The following CHMP2B variants were observed in gnomAD, a reference collection of about 807,000 sequenced individuals.
The protein encoded by CHMP2B is VPS2 homolog B.
Under a neutral mutation model 29.8 loss-of-function variants are expected in CHMP2B, and 22 were observed. The observed-to-expected ratio is 0.74, with a 90% confidence interval of 0.53 to 1.05. The LOEUF (loss-of-function observed/expected upper bound fraction) is 1.05, where lower values mean the gene tolerates loss of function less well. Ranked by LOEUF, CHMP2B falls within the 50% of genes least tolerant of loss-of-function variation. The pLI is 0.00. For synonymous variants in CHMP2B, 78 were observed against 75.8 expected (o/e 1.03, Z -0.15); for missense variants, 261 against 252.2 (o/e 1.03, Z -0.24).
In CHMP2B at chr3:87,246,036, A is replaced by T. The variant is rs181357990; in HGVS notation, c.321+128A>T. The T allele has an allele frequency of 8.5e-6, 6 of 703,554 alleles. No individual in the cohort carries two copies. In the East Asian group the frequency reaches 1.1e-4, roughly 13 times the overall value. 43.6% of individuals were successfully genotyped at this position (703,554 alleles called of 1,614,324 possible). On this transcript the variant is annotated intron_variant, in intron 3 of 5. Coordinates refer to ENST00000263780, the MANE Select transcript of CHMP2B (RefSeq NM_014043.4). ...TACAAAATGTGTGTAATTTTTAGTA[A>T]AATGAGTTATAATACTAGATAATCC... is the stretch of plus-strand genomic sequence containing the variant.
At chr3:87,247,907 T>C (rs577869258) in intron 3 of CHMP2B, among the ~76,000 whole-genome samples, 1 of 152,326 alleles carries the variant, frequency 6.6e-6, no homozygotes, top group South Asian at 2.1e-4. Context: ...AAATTTTATA[T>C]GTAACCAATA....
chr3:87,234,707 A>G (rs961742635), intron 1 of CHMP2B, among the ~76,000 whole-genome samples: 1 of 152,208 alleles, frequency 6.6e-6, no homozygotes, highest in African/African-American at 2.4e-5. Context: ...ATGAAGTCCT[A>G]GAGAATGAAA....
At chr3:87,230,998 A>T (rs965100681) in intron 1 of CHMP2B, among the ~76,000 whole-genome samples, 14 of 149,856 alleles carry the variant, frequency 9.3e-5, no homozygotes, top group Non-Finnish European at 1.5e-4. Flanking sequence ...TTCTGTATTT[A>T]TTTTTTTTTC....
intron 3 of CHMP2B, among the ~76,000 whole-genome samples, chr3:87,249,284 A>G (rs1274908789): frequency 6.6e-6 from 1 of 152,212 alleles, no homozygotes; most frequent in African/African-American, 2.4e-5. Context: ...ATGTAAGCAC[A>G]TGAAACATGA....
chr3:87,234,395 C>G (rs888537727), intron 1 of CHMP2B, among the ~76,000 whole-genome samples: 1 of 152,114 alleles, frequency 6.6e-6, no homozygotes, highest in South Asian at 2.1e-4. Context: ...AGACTTAAGT[C>G]TATGATCTCA....
chr3:87,234,731 C>A (rs1705967239), intron 1 of CHMP2B, among the ~76,000 whole-genome samples: 1 of 152,110 alleles, frequency 6.6e-6, no homozygotes, highest in Non-Finnish European at 1.5e-5. Context: ...TGAGTGTATA[C>A]CTTTATCTGC....
rs375906390 is a variant in CHMP2B, at chr3:87,249,987, A to G, written c.424+10A>G. 1.2e-4 allele frequency: 171 copies of G among 1,422,294 alleles called. No homozygotes were observed. The highest frequency in any genetic ancestry group is 1.5e-4 in the Non-Finnish European group (150 of 1,011,732). The allele number at this position is 1,422,294 out of a possible 1,614,324, so 88.1% of individuals were successfully genotyped here. A position where few individuals can be genotyped will look rare whatever the true frequency, so the allele number is the denominator to read the frequency against. ...ATGACTGAAGAAATGAGTAAGTTTA[A>G]TAAATTATAATGAAATTTATAGTTT... On this transcript the variant is annotated intron_variant, in intron 4 of 5. Transcript: ENST00000263780.
intron 3 of CHMP2B, among the ~76,000 whole-genome samples, chr3:87,247,027 G>GA (rs1314773582): frequency 4.6e-5 from 7 of 151,762 alleles, no homozygotes; most frequent in South Asian, 4.2e-4. Flanking sequence ...AAGTGCAAAA[G>GA]AAAAAAAATA....
At position 87,234,638 on chromosome 3, in the gene CHMP2B, C is replaced by T. The variant is rs546567363; in HGVS notation, c.35-6061C>T. On this transcript the variant is annotated intron_variant, in intron 1 of 5. Coordinates refer to ENST00000263780, the MANE Select transcript of CHMP2B (RefSeq NM_014043.4). ...TATCCATGTACCTTTGGCATTTTTA[C>T]AGTGTGAAGTTTTCTATTACCACCT... Among the ~76,000 whole-genome samples the T allele has an allele frequency of 2.0e-5, 3 of 152,270 alleles. No homozygotes were observed. The East Asian group carries it at 5.8e-4, about 29-fold the overall frequency.
chr3:87,255,307 C>A lies in CHMP2B; in HGVS notation c.*1485C>A, dbSNP rs1706386919. ...ATTGATAGTATTAAATACACAGTTT[C>A]TCTTAACAGTGATGGGTGAAAACAT... On this transcript the variant is annotated 3_prime_UTR_variant, in exon 6 of 6. Transcript: ENST00000263780. 1 of 152,420 alleles carries A rather than the reference C, an allele frequency of 6.6e-6. No homozygotes were observed. Among genetic ancestry groups the A allele is most frequent in the African/African-American group, 2.4e-5 (1 of 41,416 alleles). 9.4% of individuals were successfully genotyped at this position (152,420 alleles called of 1,614,324 possible).
At chr3:87,237,997 A>G (rs191303880) in intron 1 of CHMP2B, among the ~76,000 whole-genome samples, 2 of 152,312 alleles carry the variant, frequency 1.3e-5, no homozygotes, top group East Asian at 3.9e-4. Flanking sequence ...GCCCACCAGT[A>G]TAAAATTGAG....
chr3:87,239,862 T>G lies in CHMP2B; in HGVS notation c.35-837T>G, dbSNP rs76171221. Among the ~76,000 whole-genome samples, 4 of 152,262 alleles carry G rather than the reference T, an allele frequency of 2.6e-5. No homozygotes were observed. In the East Asian group the frequency reaches 5.8e-4, roughly 22 times the overall value. ...AAAAAGAAAGCTGAGGTTTCGAGTA[T>G]TAACTAACTCTTCCAAGGTATAATC... On this transcript the variant is annotated intron_variant, in intron 1 of 5. Coordinates refer to ENST00000263780, the MANE Select transcript of CHMP2B (RefSeq NM_014043.4).
At chr3:87,245,328 T>G (rs1298200997) in intron 2 of CHMP2B, among the ~76,000 whole-genome samples, 1 of 152,136 alleles carries the variant, frequency 6.6e-6, no homozygotes, top group Non-Finnish European at 1.5e-5. Flanking sequence ...ATTATCTATA[T>G]TACTAGTTTT....
At chr3:87,229,249 C>T (rs1225267497) in intron 1 of CHMP2B, among the ~76,000 whole-genome samples, 1 of 152,128 alleles carries the variant, frequency 6.6e-6, no homozygotes, top group African/African-American at 2.4e-5. Context: ...TGGGGATGTG[C>T]AATGAGTGTT....
rs776777126 is a variant in CHMP2B at position 87,227,491 on chromosome 3, C to T, written c.-32C>T. The stretch of plus-strand genomic sequence containing the variant: ...TTGCCAGCGTTGGGCCGGACCGGGC[C>T]GAGCCGGGCCGCCCGGGCGCAGTCT... On this transcript the variant is annotated 5_prime_UTR_variant, in exon 1 of 6. Transcript: ENST00000263780. 2.7e-5 allele frequency: 43 copies of T among 1,613,852 alleles called. No individual in the cohort carries two copies. Among genetic ancestry groups the T allele is most frequent in the Non-Finnish European group, 8.5e-7 (1 of 1,179,910 alleles).
intron 2 of CHMP2B, among the ~76,000 whole-genome samples, chr3:87,243,912 G>A (rs1397693739): frequency 2.6e-5 from 4 of 151,234 alleles, no homozygotes; most frequent in Admixed American, 2.6e-4. Context: ...AGCCTGGCTA[G>A]TGGTTTATCA....
intron 4 of CHMP2B, among the ~76,000 whole-genome samples, chr3:87,251,117 A>G (rs1339713774): frequency 6.6e-6 from 1 of 151,922 alleles, no homozygotes; most frequent in Non-Finnish European, 1.5e-5. Flanking sequence ...TAGTGTATAA[A>G]ATAGTATCTA....
chr3:87,244,333 A>G (rs573132827), intron 2 of CHMP2B, among the ~76,000 whole-genome samples: 1 of 151,448 alleles, frequency 6.6e-6, no homozygotes, highest in Non-Finnish European at 1.5e-5. Flanking sequence ...CGTGAGCCAC[A>G]GATTTTTCTT....
chr3:87,242,446 A>G (rs1030936567), intron 2 of CHMP2B, among the ~76,000 whole-genome samples: 7 of 152,120 alleles, frequency 4.6e-5, no homozygotes, highest in Admixed American at 2.0e-4. Flanking sequence ...GAGTGTATAC[A>G]TAAGAGTGGA....
Sources: allele counts gnomAD v4.1 joint callset (sites outside exome capture counted in the v4.1 genomes callset), GRCh38; gene constraint gnomAD v4.1.1; transcripts MANE v1.5; gene names NCBI Gene and HGNC (gene_info 2026-07-23, HGNC 2026-07-21).